The following NTNG1 variants were observed in gnomAD, a reference collection of about 807,000 sequenced individuals.
NTNG1 encodes the protein netrin-G1.
A neutral mutation model predicts 54.0 loss-of-function variants in NTNG1; 16 were observed. That is an observed-to-expected ratio of 0.30 (90% CI 0.20 to 0.45). The LOEUF is 0.45. Ranked by LOEUF, NTNG1 falls within the 20% of genes least tolerant of loss-of-function variation. The probability of loss-of-function intolerance (pLI) is 1.00; values close to 1 mark genes in which losing one functional copy is unlikely to be tolerated. For synonymous variants in NTNG1, 255 were observed against 263.1 expected, an observed-to-expected ratio of 0.97 and a Z score of 0.30; for missense variants, 530 against 678.7, an observed-to-expected ratio of 0.78 and a Z score of 2.43.
At chr1:107,386,163 A>ATTT (rs1418690291) in intron 3 of NTNG1, among the ~76,000 whole-genome samples, 18 of 73,796 alleles carry the variant, frequency 2.4e-4, no homozygotes, top group South Asian at 5.4e-4. Context: ...ATATATATAT[A>ATTT]TATTTTTTTT....
chr1:107,365,702 C>A (rs1670556795), intron 3 of NTNG1, among the ~76,000 whole-genome samples: 1 of 152,116 alleles, frequency 6.6e-6, no homozygotes, highest in Non-Finnish European at 1.5e-5. Context: ...TGATTTGTAA[C>A]AACTACTTAA....
Position 107,294,858 on chromosome 1 carries a change from T to C in NTNG1, c.247-29424T>C, listed in dbSNP as rs1162965161. 2.6e-5 allele frequency among the ~76,000 whole-genome samples: 4 copies of C among 152,198 alleles called. No individual in the cohort carries two copies. In the East Asian group the frequency reaches 5.8e-4, roughly 22 times the overall value. The stretch of plus-strand genomic sequence containing the variant: ...ATTAAAATATAATGAGTTCTAGGCC[T>C]GAGTTCATCTGAAGTTCAGGGTGTT... On this transcript the variant is annotated intron_variant, in intron 2 of 7. Coordinates refer to ENST00000370068, the MANE Select transcript of NTNG1 (RefSeq NM_001113226.3).
rs1455343626 is a variant in NTNG1, at chr1:107,276,889, A to G, written c.247-47393A>G. ...AGTCATTCTTAAAATTTTATCTTTG[A>G]TGGTGAATAGAGGTCCTCCAAGAAA... On this transcript the variant is annotated intron_variant, in intron 2 of 7. Coordinates refer to ENST00000370068, the MANE Select transcript of NTNG1 (RefSeq NM_001113226.3). 6.0e-5 allele frequency among the ~76,000 whole-genome samples: 9 copies of G among 150,104 alleles called. 1 individual carries two copies. The South Asian group carries it at 1.9e-3, about 31-fold the overall frequency.
chr1:107,194,612 G>A (rs186212221), intron 2 of NTNG1, among the ~76,000 whole-genome samples: 1 of 152,110 alleles, frequency 6.6e-6, no homozygotes, highest in Admixed American at 6.6e-5. Flanking sequence ...AGTGAGATCA[G>A]CATAGTAAAC....
chr1:107,161,823 T>A (rs1655426566), intron 2 of NTNG1, among the ~76,000 whole-genome samples: 2 of 152,014 alleles, frequency 1.3e-5, no homozygotes, highest in South Asian at 4.1e-4. Context: ...GAAATCAGTA[T>A]CTTGCATTGC....
At chr1:107,285,273 T>A (rs1665114864) in intron 2 of NTNG1, among the ~76,000 whole-genome samples, 1 of 152,182 alleles carries the variant, frequency 6.6e-6, no homozygotes, top group South Asian at 2.1e-4. Flanking sequence ...GCATTTACTC[T>A]GTTGTGTCTA....
At position 107,441,862 on chromosome 1, in the gene NTNG1, A is replaced by G. The variant is rs1570969805; in HGVS notation, c.1390+5063A>G. ...GCAATGATAAAACATATTCAAAAGA[A>G]ATATTTAAAAGGATTCGAGAGGAGT... On this transcript the variant is annotated intron_variant, in intron 7 of 7. Transcript: ENST00000370068. 3.9e-5 allele frequency among the ~76,000 whole-genome samples: 6 copies of G among 152,206 alleles called. 2 individuals carry two copies. Among genetic ancestry groups the G allele is most frequent in the Admixed American group, 3.9e-4 (6 of 15,264 alleles).
At chr1:107,457,476 A>G (rs116478690) in intron 7 of NTNG1, among the ~76,000 whole-genome samples, 4,245 of 152,314 alleles carry the variant, frequency 0.028, 72 homozygotes, top group Non-Finnish European at 0.042. Flanking sequence ...ATTATGCTCA[A>G]TTAATATGGA....
At chr1:107,158,090 C>T (rs2101045189) in intron 2 of NTNG1, among the ~76,000 whole-genome samples, 1 of 152,182 alleles carries the variant, frequency 6.6e-6, no homozygotes, top group South Asian at 2.1e-4. Context: ...GGCAAAGCAT[C>T]CTTTCCCCTT....
intron 3 of NTNG1, among the ~76,000 whole-genome samples, chr1:107,359,193 T>A (rs1411376559): frequency 6.6e-6 from 1 of 152,204 alleles, no homozygotes; most frequent in East Asian, 1.9e-4. Context: ...TCAGTGTTTG[T>A]CTTTAGCAGC....
chr1:107,361,787 A>G (rs1464885936), intron 3 of NTNG1, among the ~76,000 whole-genome samples: 1 of 152,172 alleles, frequency 6.6e-6, no homozygotes, highest in Non-Finnish European at 1.5e-5. Flanking sequence ...TATGGAAGAA[A>G]TGATAAACTA....
At chr1:107,479,279 T>C (rs887749539) in intron 7 of NTNG1, among the ~76,000 whole-genome samples, 8 of 152,240 alleles carry the variant, frequency 5.3e-5, no homozygotes, top group Admixed American at 3.3e-4. Flanking sequence ...GGCATGTTTG[T>C]GTGTAAGAAG....
intron 2 of NTNG1, among the ~76,000 whole-genome samples, chr1:107,150,380 T>A (rs915565462): frequency 6.6e-6 from 1 of 152,248 alleles, no homozygotes; most frequent in South Asian, 2.1e-4. Flanking sequence ...TCATGAAAGG[T>A]CAACTATAAG....
chr1:107,269,301 C>T (rs1663971035), intron 2 of NTNG1, among the ~76,000 whole-genome samples: 1 of 152,126 alleles, frequency 6.6e-6, no homozygotes. Context: ...ATGACTCACT[C>T]CCATTCTCTC....
chr1:107,313,693 A>T (rs562662417), intron 2 of NTNG1, among the ~76,000 whole-genome samples: 1 of 152,320 alleles, frequency 6.6e-6, no homozygotes, highest in South Asian at 2.1e-4. Flanking sequence ...GGTTAAAAAA[A>T]ATAGTGAAAC....
At chr1:107,233,733 T>G (rs1324795714) in intron 2 of NTNG1, among the ~76,000 whole-genome samples, 1 of 152,186 alleles carries the variant, frequency 6.6e-6, no homozygotes, top group African/African-American at 2.4e-5. Flanking sequence ...TAGATTTTGA[T>G]TAGGGATTAA....
intron 2 of NTNG1, among the ~76,000 whole-genome samples, chr1:107,163,581 G>A (rs1211358553): frequency 6.6e-6 from 1 of 152,012 alleles, no homozygotes; most frequent in Non-Finnish European, 1.5e-5. Flanking sequence ...TGAGGTTCAG[G>A]CTCCAAGTAA....
chr1:107,312,579 C>T (rs1471064944), intron 2 of NTNG1, among the ~76,000 whole-genome samples: 1 of 152,152 alleles, frequency 6.6e-6, no homozygotes, highest in African/African-American at 2.4e-5. Flanking sequence ...TGCCTCTTAA[C>T]AAACACTATA....
intron 2 of NTNG1, among the ~76,000 whole-genome samples, chr1:107,191,649 T>C (rs1406531521): frequency 2.0e-5 from 3 of 151,424 alleles, no homozygotes; most frequent in Admixed American, 2.0e-4. Context: ...TACATATGGC[T>C]AGCCAGTTTT....
Sources: gnomAD v4.1 joint callset for allele counts (sites outside exome capture counted in the v4.1 genomes callset) on GRCh38, gnomAD v4.1.1 for gene constraint, MANE v1.5 for transcripts, NCBI Gene and HGNC (gene_info 2026-07-23, HGNC 2026-07-21) for gene names.